FAM234B: variants seen among roughly 807,000 people sequenced by gnomAD.
The protein encoded by FAM234B is protein FAM234B.
Under a neutral mutation model 69.3 loss-of-function variants are expected in FAM234B, and 33 were observed. The ratio of observed to expected loss-of-function variants is 0.48; its 90% CI spans 0.36 to 0.64. The LOEUF (loss-of-function observed/expected upper bound fraction) is 0.64. FAM234B is among the 30% of genes least tolerant of loss of function. The probability of loss-of-function intolerance (pLI) is 0.00; values close to 1 mark genes in which losing one functional copy is unlikely to be tolerated. For synonymous variants in FAM234B, 306 were observed against 306.9 expected (o/e 1.00, Z 0.03); for missense variants, 697 against 769.7 (o/e 0.91, Z 1.12).
Position 13,067,852 on chromosome 12 carries a change from A to G in FAM234B, c.1143-452A>G, listed in dbSNP as rs553248355. On this transcript the variant is annotated intron_variant, in intron 7 of 12. Transcript: ENST00000197268. This position sits in a 1 kb window ranked among gnomAD's most constrained non-coding sequence, Gnocchi z 4.7. ...TTCTAGCATTTTCTTAGGCAGTATCATGGTGTTTTGGTGACTTTGACAGGT... is the reference window on the plus strand; with the variant it reads ...TTCTAGCATTTTCTTAGGCAGTATCGTGGTGTTTTGGTGACTTTGACAGGT... Among the ~76,000 whole-genome samples the G allele has an allele frequency of 2.0e-5, 3 of 152,174 alleles. No homozygotes were observed. The highest frequency in any genetic ancestry group is 7.2e-5 in the African/African-American group (3 of 41,448).
Position 13,067,273 on chromosome 12 carries a change from G to A in FAM234B, c.1119G>A (p.Leu373=). 1 of 1,613,992 alleles carries A rather than the reference G, an allele frequency of 6.2e-7. No homozygotes were observed. The highest frequency in any genetic ancestry group is 8.5e-7 in the Non-Finnish European group (1 of 1,179,866). Residue 373 remains leucine, a synonymous_variant, in exon 7 of 13, where the codon CTG becomes CTA. Coordinates refer to ENST00000197268, the MANE Select transcript of FAM234B (RefSeq NM_020853.2). The surrounding 1 kb of genome is among the most constrained non-coding windows in gnomAD (Gnocchi z 4.7). ...PEWEKRRSIN[L]SELIDVYSDG... ...GGGAAAAGCGAAGATCCATCAACCT[G>A]TCTGAGCTCATTGATGTTTACAGGT...
At chr12:13,071,560 G>A (rs950303794) in intron 10 of FAM234B, among the ~76,000 whole-genome samples, 164 bp downstream of exon 10, 1 of 152,192 alleles carries the variant, frequency 6.6e-6, no homozygotes, top group Non-Finnish European at 1.5e-5. Context: ...GTGTCCTCCT[G>A]AGCCACACCT....
intron 1 of FAM234B, among the ~76,000 whole-genome samples, chr12:13,045,235 TC>T (rs1160410662): frequency 5.4e-5 from 8 of 148,334 alleles, no homozygotes; most frequent in Non-Finnish European, 8.9e-5. Context: ...TTTTTTTTTT[TC>T]CTCCTAAACC....
At chr12:13,071,206 C>T in intron 9 of FAM234B, 35 bp from the exon 10 acceptor site, 3 of 1,608,968 alleles carry the variant, frequency 1.9e-6, no homozygotes, top group Non-Finnish European at 2.6e-6. Context: ...TTTTTGAGGC[C>T]TGGCCATGTT....
At chr12:13,060,057 C>T (rs1472660861) in intron 3 of FAM234B, among the ~76,000 whole-genome samples, 1 of 152,160 alleles carries the variant, frequency 6.6e-6, no homozygotes, top group East Asian at 1.9e-4. Flanking sequence ...GGAATTTATC[C>T]TTCCACACAG....
At chr12:13,073,783 T>C (rs1865132692) in intron 10 of FAM234B, among the ~76,000 whole-genome samples, 2 of 152,232 alleles carry the variant, frequency 1.3e-5, no homozygotes, top group South Asian at 4.1e-4. Context: ...TGGCTATTGT[T>C]TGTGCTGTTA....
At chr12:13,074,313 A>G (rs1307840221) in intron 10 of FAM234B, among the ~76,000 whole-genome samples, 6 of 152,232 alleles carry the variant, frequency 3.9e-5, no homozygotes, top group Admixed American at 3.9e-4. Flanking sequence ...AAAAGAAAAG[A>G]GCCATGTTAC....
In FAM234B at chr12:13,067,656, A is replaced by T. The variant is rs1416650781; in HGVS notation, c.1142+360A>T. On this transcript the variant is annotated intron_variant, in intron 7 of 12. Coordinates refer to ENST00000197268, the MANE Select transcript of FAM234B (RefSeq NM_020853.2). The surrounding 1 kb of genome is among the most constrained non-coding windows in gnomAD (Gnocchi z 4.7). ...TTTTCTGTATTTTTCTCTTAGTTGA[A>T]GCATCATTTTGACAGAAGCAAGGAT... Among the ~76,000 whole-genome samples, 4 of 152,184 alleles carry T rather than the reference A, an allele frequency of 2.6e-5. No individual in the cohort carries two copies. Among genetic ancestry groups the T allele is most frequent in the Non-Finnish European group, 4.4e-5 (3 of 68,018 alleles).
intron 9 of FAM234B, among the ~76,000 whole-genome samples, chr12:13,069,851 C>G (rs370696093): frequency 2.0e-5 from 3 of 152,094 alleles, no homozygotes; most frequent in Non-Finnish European, 4.4e-5. Flanking sequence ...ATAAAAACAT[C>G]ATGTTAGGGA....
chr12:13,070,172 GATATATATATATATATATATATATATAT>G (rs66463903), intron 9 of FAM234B, among the ~76,000 whole-genome samples: 1 of 139,774 alleles, frequency 7.2e-6, no homozygotes, highest in Non-Finnish European at 1.5e-5. Flanking sequence ...ATTAAAAAAA[GATATATATATATATATATATATATATAT>G]ATATATATAT....
chr12:13,049,824 G>A (rs368560641), intron 1 of FAM234B, among the ~76,000 whole-genome samples: 5 of 152,126 alleles, frequency 3.3e-5, no homozygotes, highest in East Asian at 3.8e-4. Context: ...GTTATGTTTC[G>A]TTGTTACTTC....
rs371903376 is a variant in FAM234B at position 13,062,884 on chromosome 12, A to G, written c.761A>G (p.Asn254Ser). The change falls in exon 5 of 13, where the codon AAC becomes AGC. Residue 254 changes from asparagine to serine, a missense_variant. Around this residue, in one of 3 missense-constraint regions of FAM234B, gnomAD observed 380 missense variants for 447.1 expected, o/e 0.85. Coordinates refer to ENST00000197268, the MANE Select transcript of FAM234B (RefSeq NM_020853.2). ...ACTTTAAACCCAAACTACTTGTCCAACGGTACCTTGGCTGCCCCAGTTGTG... is the reference window on the plus strand; with the variant it reads ...ACTTTAAACCCAAACTACTTGTCCAGCGGTACCTTGGCTGCCCCAGTTGTG... ...IWTLNPNYLSNGTLAAPVVVL... is the reference protein window; with the variant it reads ...IWTLNPNYLSSGTLAAPVVVL... 2.7e-5 allele frequency: 43 copies of G among 1,613,946 alleles called. No individual in the cohort carries two copies. Among genetic ancestry groups the G allele is most frequent in the Admixed American group, 1.0e-4 (6 of 60,002 alleles).
chr12:13,074,161 C>T (rs1552390), intron 10 of FAM234B, among the ~76,000 whole-genome samples: 72,093 of 151,994 alleles, frequency 0.47, 18,574 homozygotes, highest in East Asian at 0.77. Context: ...TGAGTTTCCT[C>T]TGGTGCAAAA....
Position 13,055,794 on chromosome 12 carries a change from C to A in FAM234B, c.281C>A (p.Ala94Glu), listed in dbSNP as rs146476799. Reference protein sequence around the residue: ...SEPLGGLEQKAASSLVSYVRT... With the variant: ...SEPLGGLEQKEASSLVSYVRT... Reference sequence around the variant, plus strand: ...CCCCTTGGGGGCCTGGAACAGAAGGCGGCCTCCTCCCTGGTGTCATATGTG... The same window carrying A: ...CCCCTTGGGGGCCTGGAACAGAAGGAGGCCTCCTCCCTGGTGTCATATGTG... The change falls in exon 2 of 13, where the codon GCG becomes GAG. Residue 94 changes from alanine (A) to glutamate (E), a missense_variant. Physicochemically the swap from Ala to Glu is moderately radical, Grantham distance 107. Coordinates refer to ENST00000197268, the MANE Select transcript of FAM234B (RefSeq NM_020853.2). 1.1e-3 allele frequency: 1,819 copies of A among 1,614,176 alleles called. 17 individuals are homozygous for A. The African/African-American group carries it at 0.021, about 19-fold the overall frequency.
At chr12:13,060,007 CTA>C (rs1864968698) in intron 3 of FAM234B, among the ~76,000 whole-genome samples, 1 of 152,198 alleles carries the variant, frequency 6.6e-6, no homozygotes, top group Non-Finnish European at 1.5e-5. Context: ...ATGGTGCTTT[CTA>C]TGTGTTAATA....
intron 10 of FAM234B, among the ~76,000 whole-genome samples, chr12:13,073,672 AT>A (rs36120897): frequency 0.71 from 107,079 of 151,334 alleles, 39,722 homozygotes; most frequent in Non-Finnish European, 0.85. Context: ...TGCAGCTAAT[AT>A]GGGCCAACAG....
chr12:13,044,669 C>T lies in FAM234B; in HGVS notation c.37+229C>T, dbSNP rs1864785467. Among the ~76,000 whole-genome samples, 1 of 152,190 alleles carries T rather than the reference C, an allele frequency of 6.6e-6. No individual in the cohort carries two copies. The highest frequency in any genetic ancestry group is 1.9e-4 in the East Asian group (1 of 5,180). On this transcript the variant is annotated intron_variant, in intron 1 of 12. Coordinates refer to ENST00000197268, the MANE Select transcript of FAM234B (RefSeq NM_020853.2). This position sits in a 1 kb window ranked among gnomAD's most constrained non-coding sequence, Gnocchi z 5.6. ...CTCGGGCGCGGGGCGAACCCGGAGA[C>T]GCGCGGGGAGAGGGCGCCGAGCAGG... is the stretch of plus-strand genomic sequence containing the variant.
chr12:13,076,098 C>T lies in FAM234B; in HGVS notation c.1597C>T (p.Leu533Phe), dbSNP rs753479470. Residue 533 changes from leucine (L) to phenylalanine (F), a missense_variant, in exon 11 of 13, where the codon CTT becomes TTT. Leu to Phe is a conservative substitution (Grantham distance 22). Coordinates refer to ENST00000197268, the MANE Select transcript of FAM234B (RefSeq NM_020853.2). ...CCTGCATCCTGCGTTCCCCTCCATC[C>T]TTCTGGATCTGGCCAACACCACCGG... ...YLLHPAFPSI[L>F]LDLANTTGTV... 6.2e-7 allele frequency: 1 copy of T among 1,614,174 alleles called. No individual in the cohort carries two copies. Among genetic ancestry groups the T allele is most frequent in the Non-Finnish European group, 8.5e-7 (1 of 1,180,026 alleles).
intron 10 of FAM234B, among the ~76,000 whole-genome samples, chr12:13,075,438 T>C (rs1428802447): frequency 1.3e-4 from 20 of 148,468 alleles, no homozygotes; most frequent in South Asian, 4.2e-4. Context: ...CTTTTCTTTT[T>C]TTTTTTTTTT....
Sources: gnomAD v4.1 joint callset for allele counts (sites outside exome capture counted in the v4.1 genomes callset) on GRCh38, gnomAD v4.1.1 for gene constraint, gnomAD v4.1.1 regional missense constraint, Gnocchi (gnomAD v3.1) non-coding constraint, MANE v1.5 for transcripts, NCBI Gene and HGNC (gene_info 2026-07-23, HGNC 2026-07-21) for gene names.